The following PITPNA variants were observed in gnomAD, a reference collection of about 807,000 sequenced individuals.
PITPNA encodes phosphatidylinositol transfer protein alpha.
In PITPNA, 13 loss-of-function variants were observed where a neutral mutation model predicts 50.3. That is an observed-to-expected ratio of 0.26 (90% CI 0.17 to 0.41). PITPNA has a LOEUF of 0.41. Among genes scored for constraint, PITPNA ranks in the 10% least tolerant of loss-of-function variants. The pLI is 1.00. For synonymous variants in PITPNA, 120 were observed against 119.6 expected, an observed-to-expected ratio of 1.00 and a Z score of -0.02; for missense variants, 207 against 333.4, an observed-to-expected ratio of 0.62 and a Z score of 2.95.
chr17:1,526,853 C>T (rs2075551213), intron 10 of PITPNA, among the ~76,000 whole-genome samples: 1 of 152,216 alleles, frequency 6.6e-6, no homozygotes, highest in Non-Finnish European at 1.5e-5. Context: ...CAACCTCTGC[C>T]TCCCGGGTTC....
chr17:1,540,591 CTCT>C lies in PITPNA; in HGVS notation c.372+972_372+974del, dbSNP rs749534640. Among the ~76,000 whole-genome samples, 203 of 149,032 alleles carry C rather than the reference CTCT, an allele frequency of 1.4e-3. 1 individual carries two copies. Among genetic ancestry groups the C allele is most frequent in the Middle Eastern group, 3.5e-3 (1 of 286 alleles). On this transcript the variant is annotated intron_variant, in intron 6 of 11. Transcript: ENST00000313486. The stretch of plus-strand genomic sequence containing the variant: ...TGTCCTACTAACGGGCCTTTTTTTT[CTCT>C]TTTTTTTTTTTTAAGACAGTGTCTC...
chr17:1,551,278 TC>T (rs1396820078), intron 3 of PITPNA, among the ~76,000 whole-genome samples: 1 of 151,464 alleles, frequency 6.6e-6, no homozygotes, highest in Non-Finnish European at 1.5e-5. Context: ...CTTTTCTTTT[TC>T]TTTTTTTTCT....
In PITPNA at chr17:1,521,661, C is replaced by T. The variant is rs769507443; in HGVS notation, c.769-16G>A. 2 of 1,610,332 alleles carry T rather than the reference C, an allele frequency of 1.2e-6. No homozygotes were observed. On this transcript the variant is annotated splice_polypyrimidine_tract_variant and intron_variant, in intron 10 of 11. Coordinates refer to ENST00000313486, the MANE Select transcript of PITPNA (RefSeq NM_006224.4). ...TTTGTCTCATCTGGAACAAAAAAAG[C>T]AGGACAAATGGAAGGCTCCTGCTGC...
At chr17:1,535,365 G>A in intron 8 of PITPNA, 73 bp from the exon 9 acceptor site, 1 of 1,502,086 alleles carries the variant, frequency 6.7e-7, no homozygotes. Context: ...GCTCACCCCA[G>A]CCATGCCCCT....
chr17:1,545,192 G>A (rs767292829), intron 4 of PITPNA, among the ~76,000 whole-genome samples: 2 of 152,122 alleles, frequency 1.3e-5, no homozygotes, highest in Non-Finnish European at 2.9e-5. Flanking sequence ...AAGGGAAAAA[G>A]AGAGAGGGAA....
intron 7 of PITPNA, among the ~76,000 whole-genome samples, chr17:1,537,569 C>G (rs1205403909): frequency 1.3e-5 from 2 of 152,220 alleles, no homozygotes; most frequent in African/African-American, 2.4e-5. Flanking sequence ...TCCACTCACA[C>G]AGATCAACCA....
chr17:1,553,979 T>C (rs1255699508), intron 2 of PITPNA, among the ~76,000 whole-genome samples: 1 of 152,184 alleles, frequency 6.6e-6, no homozygotes, highest in East Asian at 1.9e-4. Flanking sequence ...TGTTGGCACT[T>C]ACTACATGGC....
In PITPNA at chr17:1,533,013, G is replaced by A. The variant is rs149255395; in HGVS notation, c.768+1086C>T. ...AGACCAGCATGGTGAAGCAGACACC[G>A]TCCGTGCAGCATGGGCAGCATGGGC... is the stretch of plus-strand genomic sequence containing the variant. On this transcript the variant is annotated intron_variant, in intron 10 of 11. Transcript: ENST00000313486. Among the ~76,000 whole-genome samples the A allele has an allele frequency of 9.3e-4, 141 of 152,350 alleles. 1 individual carries two copies. The highest frequency in any genetic ancestry group is 3.1e-3 in the African/African-American group (129 of 41,570).
chr17:1,554,365 G>A (rs188409098), intron 2 of PITPNA, among the ~76,000 whole-genome samples: 87 of 150,884 alleles, frequency 5.8e-4, no homozygotes, highest in African/African-American at 1.9e-3. Flanking sequence ...TGGCACCCCC[G>A]GGGGGAAGAC....
intron 4 of PITPNA, 77 bp from the exon 5 acceptor site, chr17:1,543,104 C>T (rs766530297): frequency 4.3e-6 from 5 of 1,171,210 alleles, no homozygotes; most frequent in Non-Finnish European, 6.1e-6. Context: ...CCCCACCCCC[C>T]ACAAGGAGGA....
At chr17:1,551,045 GGCGA>G (rs1168871647) in intron 3 of PITPNA, among the ~76,000 whole-genome samples, 6 of 149,292 alleles carry the variant, frequency 4.0e-5, no homozygotes, top group Admixed American at 6.7e-5. Context: ...GGACACGAAG[GGCGA>G]GTGAGAGTAT....
At chr17:1,540,513 T>G (rs2075642699) in intron 6 of PITPNA, among the ~76,000 whole-genome samples, 1 of 152,184 alleles carries the variant, frequency 6.6e-6, no homozygotes, top group Non-Finnish European at 1.5e-5. Context: ...CTATTGGTTT[T>G]TCCATGGCTG....
intron 2 of PITPNA, among the ~76,000 whole-genome samples, chr17:1,557,030 C>CACCTGGTTCTCAGGCCCCAGGT (rs1169533113): frequency 6.6e-6 from 1 of 152,168 alleles, no homozygotes; most frequent in Non-Finnish European, 1.5e-5. Flanking sequence ...TCAGCCCAGG[C>CACCTGGTTCTCAGGCCCCAGGT]ACCTGGTTCT....
At position 1,538,863 on chromosome 17, in the gene PITPNA, T is replaced by C. The variant is rs1313493986; in HGVS notation, c.456+6A>G. The stretch of plus-strand genomic sequence containing the variant: ...AAGGCCACCCACGTCTTTAAACGGA[T>C]CCTACCTTGCTGAGCACTTGGCTTC... On this transcript the variant is annotated splice_donor_region_variant and intron_variant, in intron 7 of 11. Coordinates refer to ENST00000313486, the MANE Select transcript of PITPNA (RefSeq NM_006224.4). 5.6e-6 allele frequency: 9 copies of C among 1,603,756 alleles called. No homozygotes were observed. The African/African-American group carries it at 1.2e-4, about 21-fold the overall frequency.
intron 2 of PITPNA, among the ~76,000 whole-genome samples, chr17:1,555,802 G>A (rs1032571768): frequency 3.9e-5 from 6 of 152,194 alleles, no homozygotes; most frequent in Admixed American, 2.0e-4. Context: ...GCCGACCTGT[G>A]CCAGGAAGCA....
chr17:1,555,875 C>T (rs982207229), intron 2 of PITPNA, among the ~76,000 whole-genome samples: 7 of 152,244 alleles, frequency 4.6e-5, no homozygotes, highest in African/African-American at 1.7e-4. Flanking sequence ...CGCCCAGACA[C>T]TCAGGGTTAG....
rs140271137 is a variant in PITPNA at position 1,552,404 on chromosome 17, C to G, written c.197+600G>C. On this transcript the variant is annotated intron_variant, in intron 3 of 11. Coordinates refer to ENST00000313486, the MANE Select transcript of PITPNA (RefSeq NM_006224.4). ...CAGTTTGCTGAAACATTACTGTTTTCGTTAGGGATTTAGCAAATTTGTGTA... is the reference window on the plus strand; with the variant it reads ...CAGTTTGCTGAAACATTACTGTTTTGGTTAGGGATTTAGCAAATTTGTGTA... Among the ~76,000 whole-genome samples, 292 of 152,232 alleles carry G rather than the reference C, an allele frequency of 1.9e-3. 1 individual carries two copies. The highest frequency in any genetic ancestry group is 6.7e-3 in the African/African-American group (280 of 41,536).
intron 6 of PITPNA, 99 bp from the exon 7 acceptor site, chr17:1,539,051 A>T (rs2075633921): frequency 1.5e-6 from 1 of 686,306 alleles, no homozygotes; most frequent in Admixed American, 2.6e-5. Flanking sequence ...CCATAGCCAC[A>T]GATGTAAGAT....
chr17:1,561,576 C>A (rs1400776424), intron 1 of PITPNA, among the ~76,000 whole-genome samples: 3 of 152,124 alleles, frequency 2.0e-5, no homozygotes, highest in Non-Finnish European at 4.4e-5. Flanking sequence ...ACTTCCCGGC[C>A]TTCTCCACTT....
Sources: gnomAD v4.1 joint callset for allele counts (sites outside exome capture counted in the v4.1 genomes callset) on GRCh38, gnomAD v4.1.1 for gene constraint, MANE v1.5 for transcripts, NCBI Gene and HGNC (gene_info 2026-07-23, HGNC 2026-07-21) for gene names.